Variants in KLRG1 observed in about 807,000 individuals in gnomAD.
KLRG1 encodes killer cell lectin like receptor G1.
KLRG1 carries 16 observed loss-of-function variants against 21.8 expected under a neutral mutation model. That is an observed-to-expected ratio of 0.73 (90% CI 0.50 to 1.11). KLRG1 has a LOEUF of 1.11. Among genes scored for constraint, KLRG1 ranks in the 50% most tolerant of loss-of-function variants. KLRG1 has a pLI of 0.00. For synonymous variants in KLRG1, 69 were observed against 75.9 expected, an observed-to-expected ratio of 0.91 and a Z score of 0.47; for missense variants, 173 against 218.3, an observed-to-expected ratio of 0.79 and a Z score of 1.31.
At chr12:9,055,880 T>C in the KLRG1 span, 1 of 152,500 alleles carries the variant, frequency 6.6e-6, no homozygotes, top group South Asian at 2.1e-4. Context: ...CCATCAGATA[T>C]CTACCCTAAT....
At chr12:9,070,435 G>T in the KLRG1 span, 1 of 1,175,098 alleles carries the variant, frequency 8.5e-7, no homozygotes, top group Non-Finnish European at 1.3e-6. Context: ...TTATGCTGGG[G>T]ATACATACAT....
intron 3 of KLRG1, among the ~76,000 whole-genome samples, chr12:8,998,792 A>C (rs1391988275): frequency 6.6e-6 from 1 of 152,162 alleles, no homozygotes; most frequent in East Asian, 1.9e-4. Context: ...TCAACAAGAC[A>C]ACTTTTTCTA....
chr12:9,152,309 A>G, the KLRG1 span: 1 of 1,609,370 alleles, frequency 6.2e-7, no homozygotes, highest in South Asian at 1.1e-5. Context: ...TTTCCTGTGT[A>G]ACTGTAGTGT....
chr12:9,163,936 A>G, the KLRG1 span: 30 of 1,252,020 alleles, frequency 2.4e-5, no homozygotes, highest in East Asian at 7.0e-4. Context: ...CTAAGTAGCC[A>G]ATGTCCAAGA....
At chr12:9,109,367 T>C in the KLRG1 span, 1 of 1,613,588 alleles carries the variant, frequency 6.2e-7, no homozygotes, top group African/African-American at 1.3e-5. Flanking sequence ...ATGGTGATTA[T>C]CTTTGGCACT....
chr12:9,045,421 A>G, the KLRG1 span, among the ~76,000 whole-genome samples: 4 of 152,230 alleles, frequency 2.6e-5, no homozygotes, highest in African/African-American at 9.6e-5. Flanking sequence ...AAACCTCATG[A>G]TAACTTACTT....
chr12:9,104,464 T>C, the KLRG1 span: 4 of 1,497,754 alleles, frequency 2.7e-6, no homozygotes, highest in Non-Finnish European at 2.7e-6. Context: ...AACATATTCA[T>C]TTATCACATT....
At chr12:9,126,760 A>T in the KLRG1 span, among the ~76,000 whole-genome samples, 1 of 152,174 alleles carries the variant, frequency 6.6e-6, no homozygotes, top group Non-Finnish European at 1.5e-5. Context: ...CACTGCCTGA[A>T]ACTTCTGTGC....
chr12:9,196,461 T>A, the KLRG1 span: 1 of 1,587,140 alleles, frequency 6.3e-7, no homozygotes, highest in Non-Finnish European at 8.6e-7. Context: ...AAAGAGTCAG[T>A]ACTTTTAGAA....
the KLRG1 span, among the ~76,000 whole-genome samples, chr12:9,171,726 G>A: frequency 1.3e-5 from 2 of 152,106 alleles, no homozygotes; most frequent in African/African-American, 4.8e-5. Context: ...TAGACCAAGA[G>A]GAGGAAAGAA....
chr12:9,101,088 G>A, the KLRG1 span: 7 of 1,490,436 alleles, frequency 4.7e-6, no homozygotes, highest in Non-Finnish European at 5.5e-6. Flanking sequence ...CTTCCGTGGT[G>A]TAAGGCTGAA....
the KLRG1 span, among the ~76,000 whole-genome samples, chr12:9,209,759 C>T: frequency 1.5e-3 from 222 of 152,062 alleles, 2 homozygotes; most frequent in African/African-American, 5.1e-3. Flanking sequence ...TGTTTTTAAT[C>T]CATATTTATG....
At chr12:9,098,801 T>C in the KLRG1 span, 17 of 1,598,014 alleles carry the variant, frequency 1.1e-5, no homozygotes, top group Non-Finnish European at 1.5e-5. Flanking sequence ...TTTCCAGGTT[T>C]ACCCATGCAT....
At chr12:8,968,253 C>G (rs1041424723) in intron 1 of KLRG1, among the ~76,000 whole-genome samples, 12 of 148,526 alleles carry the variant, frequency 8.1e-5, no homozygotes, top group African/African-American at 3.0e-4. Context: ...AAAAAAAAAC[C>G]ACACTGAAAT....
the KLRG1 span, among the ~76,000 whole-genome samples, chr12:9,207,908 A>G: frequency 6.6e-6 from 1 of 152,222 alleles, no homozygotes; most frequent in Admixed American, 6.5e-5. Context: ...ATATATATAT[A>G]TGGCCTACAA....
chr12:9,146,170 T>C, the KLRG1 span, among the ~76,000 whole-genome samples: 1 of 152,226 alleles, frequency 6.6e-6, no homozygotes, highest in East Asian at 1.9e-4. Flanking sequence ...TAATGGTCAA[T>C]TTGATGGTGC....
the KLRG1 span, among the ~76,000 whole-genome samples, chr12:9,039,211 A>G: frequency 2.0e-5 from 3 of 152,232 alleles, no homozygotes; most frequent in Non-Finnish European, 2.9e-5. Context: ...CTCCGCGTCT[A>G]TTCTCTTTGT....
the KLRG1 span, among the ~76,000 whole-genome samples, chr12:9,127,006 A>C: frequency 1.3e-5 from 2 of 152,188 alleles, no homozygotes; most frequent in African/African-American, 4.8e-5. Context: ...TCTAGACACT[A>C]CATTCTTTCT....
At chr12:9,033,692 A>G in the KLRG1 span, among the ~76,000 whole-genome samples, 1 of 152,184 alleles carries the variant, frequency 6.6e-6, no homozygotes, top group Admixed American at 6.5e-5. Flanking sequence ...TTGTGTGACT[A>G]TTGTTTAGAG....
Sources: allele counts gnomAD v4.1 joint callset (sites outside exome capture counted in the v4.1 genomes callset), GRCh38; gene constraint gnomAD v4.1.1; transcripts MANE v1.5; gene names NCBI Gene and HGNC (gene_info 2026-07-23, HGNC 2026-07-21).